CFAP57: variants seen among roughly 807,000 people sequenced by gnomAD.
The protein encoded by CFAP57 is cilia- and flagella-associated protein 57.
A neutral mutation model predicts 146.8 loss-of-function variants in CFAP57; 116 were observed. That is an observed-to-expected ratio of 0.79 (90% confidence interval 0.68 to 0.92). The LOEUF is 0.92. Among genes scored for constraint, CFAP57 ranks in the 40% least tolerant of loss-of-function variants. The probability of loss-of-function intolerance (pLI) is 0.00; values close to 1 mark genes in which losing one functional copy is unlikely to be tolerated. For synonymous variants in CFAP57, 518 were observed against 552.8 expected, an observed-to-expected ratio of 0.94 and a Z score of 0.88; for missense variants, 1,377 against 1,527.2, an observed-to-expected ratio of 0.90 and a Z score of 1.64.
chr1:43,242,538 T>C (rs1360777240), intron 21 of CFAP57, among the ~76,000 whole-genome samples: 1 of 152,234 alleles, frequency 6.6e-6, no homozygotes, highest in Non-Finnish European at 1.5e-5. Context: ...CAGATGTTAA[T>C]TATCCATTTA....
intron 9 of CFAP57, among the ~76,000 whole-genome samples, chr1:43,204,744 G>C (rs1381411934): frequency 6.6e-6 from 1 of 152,146 alleles, no homozygotes; most frequent in African/African-American, 2.4e-5. Flanking sequence ...TGTGTGGCTT[G>C]GAAAATGCTA....
intron 10 of CFAP57, among the ~76,000 whole-genome samples, chr1:43,208,614 G>A (rs1031527193): frequency 4.6e-5 from 7 of 152,148 alleles, no homozygotes; most frequent in African/African-American, 1.7e-4. Flanking sequence ...TGGACACAGG[G>A]TGGGGAACAC....
chr1:43,223,510 CAG>C (rs929118549), intron 16 of CFAP57, among the ~76,000 whole-genome samples: 6 of 152,120 alleles, frequency 3.9e-5, no homozygotes, highest in Non-Finnish European at 7.4e-5. Flanking sequence ...CACTCACCAT[CAG>C]GGGTGAGGGA....
Position 43,206,590 on chromosome 1 carries a change from CAGAA to C in CFAP57, c.1543-129_1543-126del, listed in dbSNP as rs1644366150. On this transcript the variant is annotated intron_variant, in intron 9 of 22. Coordinates refer to ENST00000372492, the MANE Select transcript of CFAP57 (RefSeq NM_001378189.1). ...CACAAGAAGCTATGTTTTGTGCTAACAGAAGGGCCTACAGCAGGAAAGGACGTTC... is the reference window on the plus strand; with the variant it reads ...CACAAGAAGCTATGTTTTGTGCTAACGGGCCTACAGCAGGAAAGGACGTTC... 15 of 827,458 alleles carry C rather than the reference CAGAA, an allele frequency of 1.8e-5. No homozygotes were observed. The East Asian group carries it at 3.8e-4, about 21-fold the overall frequency. 51.3% of individuals were successfully genotyped at this position (827,458 alleles called of 1,614,324 possible). A position where few individuals can be genotyped will look rare whatever the true frequency, so the allele number is the denominator to read the frequency against.
rs1643148227 is a variant in CFAP57, at chr1:43,186,728, A to G, written c.991A>G (p.Asn331Asp). The change falls in exon 6 of 23, where the codon AAT becomes GAT. Residue 331 changes from asparagine (N) to aspartate (D), a missense_variant. Asn to Asp is a conservative substitution (Grantham distance 23). Transcript: ENST00000372492. ...GCAGATTCCTGTGGACCCGCAGAGC[A>G]ATGATCCAAGTCAGTCTGACAAACA... is the stretch of plus-strand genomic sequence containing the variant. ...EIRIPVDPQS[N>D]DPSQSDKQDV... 1 of 1,614,180 alleles carries G rather than the reference A, an allele frequency of 6.2e-7. No homozygotes were observed. The highest frequency in any genetic ancestry group is 8.5e-7 in the Non-Finnish European group (1 of 1,180,042).
chr1:43,220,717 C>G (rs1229925546), intron 13 of CFAP57, among the ~76,000 whole-genome samples: 1 of 151,946 alleles, frequency 6.6e-6, no homozygotes, highest in East Asian at 1.9e-4. Context: ...GAGCGAGGCC[C>G]TGTCCCTCAC....
chr1:43,221,468 G>C lies in CFAP57; in HGVS notation c.2341+3G>C. 6.6e-7 allele frequency: 1 copy of C among 1,515,438 alleles called. No individual in the cohort carries two copies. The highest frequency in any genetic ancestry group is 2.5e-5 in the East Asian group (1 of 40,258). 93.9% of individuals were successfully genotyped at this position (1,515,438 alleles called of 1,614,324 possible). ...AAGCCGGGAACTGCAGGACATGGGT[G>C]AGCCCACAAGTAGAGGCCTCGTTGG... On this transcript the variant is annotated splice_donor_region_variant and intron_variant, in intron 14 of 22. Transcript: ENST00000372492.
chr1:43,223,214 C>T (rs915944628), intron 16 of CFAP57, among the ~76,000 whole-genome samples: 2 of 152,220 alleles, frequency 1.3e-5, no homozygotes, highest in African/African-American at 4.8e-5. Flanking sequence ...CTTCCCTGCT[C>T]TCCTTTTCAC....
intron 5 of CFAP57, among the ~76,000 whole-genome samples, chr1:43,185,939 A>G (rs994677460): frequency 6.6e-6 from 1 of 151,672 alleles, no homozygotes; most frequent in Non-Finnish European, 1.5e-5. Flanking sequence ...AAAAAATACA[A>G]AATACAAAAA....
intron 17 of CFAP57, among the ~76,000 whole-genome samples, chr1:43,226,409 G>A (rs1286832631): frequency 6.6e-6 from 1 of 152,176 alleles, no homozygotes; most frequent in Non-Finnish European, 1.5e-5. Context: ...GCTAGGCTCA[G>A]CTGGGTCTTT....
At chr1:43,194,260 G>A in intron 6 of CFAP57, among the ~76,000 whole-genome samples, 1 of 151,896 alleles carries the variant, frequency 6.6e-6, no homozygotes, top group South Asian at 2.1e-4. Flanking sequence ...CTTTGAACAT[G>A]TTATCCCATT....
chr1:43,194,184 T>G (rs968534641), intron 6 of CFAP57, among the ~76,000 whole-genome samples: 4 of 152,054 alleles, frequency 2.6e-5, no homozygotes, highest in Non-Finnish European at 5.9e-5. Flanking sequence ...TTGGTAATTT[T>G]TTTTCACCTT....
intron 21 of CFAP57, among the ~76,000 whole-genome samples, chr1:43,241,278 G>A (rs1215278906): frequency 6.6e-6 from 1 of 152,136 alleles, no homozygotes; most frequent in East Asian, 1.9e-4. Context: ...TCCAACACTG[G>A]GGATCAGTTT....
At chr1:43,190,391 C>T (rs961951471) in intron 6 of CFAP57, among the ~76,000 whole-genome samples, 18 of 150,946 alleles carry the variant, frequency 1.2e-4, no homozygotes, top group African/African-American at 4.4e-4. Flanking sequence ...CTGCCTCAGA[C>T]TCCCGAGTAG....
chr1:43,222,836 G>A lies in CFAP57; in HGVS notation c.2545G>A (p.Val849Ile), dbSNP rs1297660525. 5 of 1,543,640 alleles carry A rather than the reference G, an allele frequency of 3.2e-6. No individual in the cohort carries two copies. Among genetic ancestry groups the A allele is most frequent in the South Asian group, 2.4e-5 (2 of 82,368 alleles). Residue 849 changes from valine (V) to isoleucine (I), a missense_variant, in exon 16 of 23, where the codon GTC (valine) becomes ATC (isoleucine). Coordinates refer to ENST00000372492, the MANE Select transcript of CFAP57 (RefSeq NM_001378189.1). Reference sequence around the variant, plus strand: ...CTCTCTGAGCCAGGCACAGGAAGACGTCAGGCAGCAGCTGCGGGAGTTTGA... The same window carrying A: ...CTCTCTGAGCCAGGCACAGGAAGACATCAGGCAGCAGCTGCGGGAGTTTGA... ...TTLLEEAQED[V>I]RQQLREFEET...
intron 11 of CFAP57, chr1:43,210,210 G>A: frequency 6.6e-7 from 1 of 1,520,914 alleles, no homozygotes; most frequent in Non-Finnish European, 8.8e-7. Flanking sequence ...TGCCGTGAGT[G>A]TGGGCTGCAC....
rs1006224620 is a variant in CFAP57 at position 43,209,830 on chromosome 1, G to A, written c.1843G>A (p.Val615Met). 1.5e-5 allele frequency: 24 copies of A among 1,614,062 alleles called. No individual in the cohort carries two copies. The highest frequency in any genetic ancestry group is 2.0e-5 in the Non-Finnish European group (24 of 1,180,052). ...SGRMMFVGTS[V>M]GTIRAMKYPL... Reference sequence around the variant, plus strand: ...ACGCATGATGTTTGTGGGCACCTCGGTGGGAACCATTCGTGCCATGAAGTA... The same window carrying A: ...ACGCATGATGTTTGTGGGCACCTCGATGGGAACCATTCGTGCCATGAAGTA... The change falls in exon 11 of 23, where the codon GTG becomes ATG. Residue 615 changes from valine (V) to methionine (M), a missense_variant. Transcript: ENST00000372492.
chr1:43,221,250 T>C (rs985250947), intron 13 of CFAP57, 122 bp from the exon 14 acceptor site: 16 of 623,812 alleles, frequency 2.6e-5, no homozygotes, highest in Middle Eastern at 2.6e-4. Context: ...CAGTGCTTGG[T>C]GCAAAATGAG....
At chr1:43,172,714 C>T (rs774387708) in intron 1 of CFAP57, 21 bp from the exon 2 acceptor site, 24 of 1,612,368 alleles carry the variant, frequency 1.5e-5, no homozygotes, top group Admixed American at 3.3e-5. Context: ...CACTCTGAAG[C>T]GCTGCCTTGG....
Sources: gnomAD v4.1 joint callset for allele counts (sites outside exome capture counted in the v4.1 genomes callset) on GRCh38, gnomAD v4.1.1 for gene constraint, MANE v1.5 for transcripts, NCBI Gene and HGNC (gene_info 2026-07-23, HGNC 2026-07-21) for gene names.